Variants in PDSS2 observed in about 807,000 individuals in gnomAD.
PDSS2 encodes the protein all trans-polyprenyl-diphosphate synthase PDSS2.
PDSS2 carries 31 observed loss-of-function variants against 44.5 expected under a neutral mutation model. That is an observed-to-expected ratio of 0.70 (90% CI 0.52 to 0.94). The LOEUF (loss-of-function observed/expected upper bound fraction) is 0.94, where lower values mean the gene tolerates loss of function less well. PDSS2 is among the 40% of genes least tolerant of loss of function. The pLI is 0.00. For synonymous variants in PDSS2, 157 were observed against 180.3 expected, an observed-to-expected ratio of 0.87 and a Z score of 1.03; for missense variants, 452 against 482.2, an observed-to-expected ratio of 0.94 and a Z score of 0.59.
At chr6:107,292,989 G>A (rs1247214869) in intron 2 of PDSS2, among the ~76,000 whole-genome samples, 1 of 152,174 alleles carries the variant, frequency 6.6e-6, no homozygotes, top group Non-Finnish European at 1.5e-5. Flanking sequence ...TCACTGTCAG[G>A]GCAGCCCTTG....
chr6:107,222,652 CAA>C (rs567984860), intron 4 of PDSS2, among the ~76,000 whole-genome samples: 17 of 53,526 alleles, frequency 3.2e-4, no homozygotes, highest in Non-Finnish European at 2.4e-4. Context: ...AAGACTGTCT[CAA>C]AAAAAAAAAA....
chr6:107,298,741 G>A (rs1776594609), intron 2 of PDSS2, among the ~76,000 whole-genome samples: 1 of 152,164 alleles, frequency 6.6e-6, no homozygotes, highest in Non-Finnish European at 1.5e-5. Context: ...AAATCCATAA[G>A]ACCTAAATGT....
intron 7 of PDSS2, among the ~76,000 whole-genome samples, chr6:107,176,164 C>T (rs1293101227): frequency 5.3e-5 from 8 of 152,114 alleles, no homozygotes; most frequent in Non-Finnish European, 1.2e-4. Context: ...GCCTCAGCCT[C>T]CCCAGTAGCT....
intron 1 of PDSS2, among the ~76,000 whole-genome samples, chr6:107,385,705 A>G (rs1779589841): frequency 6.6e-6 from 1 of 151,886 alleles, no homozygotes; most frequent in South Asian, 2.1e-4. Context: ...TGACAGCTCA[A>G]CCCTAAAAGC....
chr6:107,388,908 CAAT>C (rs60782199), intron 1 of PDSS2, among the ~76,000 whole-genome samples: 5,671 of 152,182 alleles, frequency 0.037, 346 homozygotes, highest in African/African-American at 0.13. Context: ...CTGATTCACA[CAAT>C]GAGATGGATA....
At chr6:107,186,628 G>A (rs76388945) in intron 7 of PDSS2, among the ~76,000 whole-genome samples, 3 of 151,940 alleles carry the variant, frequency 2.0e-5, no homozygotes, top group South Asian at 2.1e-4. Context: ...CCCCCCAACA[G>A]GCCCTGGTGT....
chr6:107,397,243 T>A (rs971516342), intron 1 of PDSS2, among the ~76,000 whole-genome samples: 2 of 151,918 alleles, frequency 1.3e-5, no homozygotes, highest in African/African-American at 4.8e-5. Context: ...ATAGTAATAC[T>A]AAGATATTAT....
Position 107,154,703 on chromosome 6 carries a change from TGCC to T in PDSS2, c.1113_1115del (p.Ala372del), listed in dbSNP as rs782023460. 1 of 1,614,010 alleles carries T rather than the reference TGCC, an allele frequency of 6.2e-7. No individual in the cohort carries two copies. Among genetic ancestry groups the T allele is most frequent in the East Asian group, 2.2e-5 (1 of 44,894 alleles). On this transcript the variant is annotated inframe_deletion, in exon 8 of 8. Transcript: ENST00000369037. ...GAGGAAAGCTCTCCAGGGCCTCCAGTGCCTTGTTTCCATGGTAACGACACAGGT... is the reference window on the plus strand; with the variant it reads ...GAGGAAAGCTCTCCAGGGCCTCCAGTTTGTTTCCATGGTAACGACACAGGT...
At chr6:107,264,670 C>G (rs1474942702) in intron 3 of PDSS2, among the ~76,000 whole-genome samples, 2 of 152,172 alleles carry the variant, frequency 1.3e-5, no homozygotes, top group African/African-American at 4.8e-5. Flanking sequence ...CAAACCCAGT[C>G]TAAATAAATA....
Position 107,210,656 on chromosome 6 carries a change from C to T in PDSS2, c.877-86G>A, listed in dbSNP as rs74818380. ...TATATTCAGAAAGTACCAGTTAATG[C>T]AGTGAAATATGAAGCTTAAGGAATG... On this transcript the variant is annotated intron_variant, in intron 5 of 7. Coordinates refer to ENST00000369037, the MANE Select transcript of PDSS2 (RefSeq NM_020381.4). 2.0e-3 allele frequency: 1,745 copies of T among 892,584 alleles called. 20 individuals carry two copies. The African/African-American group carries it at 0.026, about 13-fold the overall frequency. The allele number at this position is 892,584 out of a possible 1,614,324, so 55.3% of individuals were successfully genotyped here. A position where few individuals can be genotyped will look rare whatever the true frequency, so the allele number is the denominator to read the frequency against.
At chr6:107,402,185 C>T (rs1780127150) in intron 1 of PDSS2, among the ~76,000 whole-genome samples, 1 of 151,278 alleles carries the variant, frequency 6.6e-6, no homozygotes, top group Admixed American at 6.6e-5. Context: ...GAGGCTGAGG[C>T]AGGGGAATTG....
chr6:107,396,668 CTTCTTTT>C (rs1486133360), intron 1 of PDSS2, among the ~76,000 whole-genome samples: 11 of 128,620 alleles, frequency 8.6e-5, no homozygotes, highest in Admixed American at 3.4e-4. Context: ...TTTTTTTCCT[CTTCTTTT>C]TTCTTTTTTT....
At chr6:107,165,675 A>G (rs1771317216) in intron 7 of PDSS2, among the ~76,000 whole-genome samples, 1 of 151,986 alleles carries the variant, frequency 6.6e-6, no homozygotes, top group Non-Finnish European at 1.5e-5. Context: ...TATGAACTTT[A>G]AAGTAGTTTT....
At chr6:107,191,093 G>A (rs372422082) in intron 7 of PDSS2, among the ~76,000 whole-genome samples, 7 of 152,070 alleles carry the variant, frequency 4.6e-5, no homozygotes, top group Admixed American at 3.3e-4. Flanking sequence ...GGGTTTCACC[G>A]TGTTAGCCAG....
rs1044027831 is a variant in PDSS2 at position 107,401,537 on chromosome 6, G to A, written c.296+57453C>T. ...AACAAGGTGCTATGAGATCCTCAAA[G>A]GAGCACAGTACATCTCTAGCAATGG... is the stretch of plus-strand genomic sequence containing the variant. On this transcript the variant is annotated intron_variant, in intron 1 of 7. Coordinates refer to ENST00000369037, the MANE Select transcript of PDSS2 (RefSeq NM_020381.4). 5.3e-5 allele frequency among the ~76,000 whole-genome samples: 8 copies of A among 152,244 alleles called. No individual in the cohort carries two copies. In the East Asian group the frequency reaches 1.3e-3, roughly 26 times the overall value.
chr6:107,392,752 T>C (rs1779823211), intron 1 of PDSS2, among the ~76,000 whole-genome samples: 1 of 152,284 alleles, frequency 6.6e-6, no homozygotes, highest in East Asian at 1.9e-4. Flanking sequence ...CATCCTGGCC[T>C]CCTTCAACGT....
intron 1 of PDSS2, among the ~76,000 whole-genome samples, chr6:107,412,092 T>G (rs147067687): frequency 3.1e-3 from 475 of 151,674 alleles, no homozygotes; most frequent in African/African-American, 0.011. Context: ...TTTCACCATG[T>G]TAGCAGGCTG....
At chr6:107,261,381 C>G (rs1775216935) in intron 3 of PDSS2, among the ~76,000 whole-genome samples, 1 of 152,140 alleles carries the variant, frequency 6.6e-6, no homozygotes, top group Non-Finnish European at 1.5e-5. Context: ...GTGGCACCTC[C>G]TTCCCGTTGC....
At chr6:107,176,362 A>C (rs1315761671) in intron 7 of PDSS2, among the ~76,000 whole-genome samples, 1 of 151,808 alleles carries the variant, frequency 6.6e-6, no homozygotes, top group Non-Finnish European at 1.5e-5. Flanking sequence ...ATTTTTGAAA[A>C]ATGAATTCCC....
Sources: gnomAD v4.1 joint callset for allele counts (sites outside exome capture counted in the v4.1 genomes callset) on GRCh38, gnomAD v4.1.1 for gene constraint, MANE v1.5 for transcripts, NCBI Gene and HGNC (gene_info 2026-07-23, HGNC 2026-07-21) for gene names.